ANKRD55: variants seen among roughly 807,000 people sequenced by gnomAD.
ANKRD55 encodes ankyrin repeat domain-containing protein 55.
In ANKRD55, 41 loss-of-function variants were observed where a neutral mutation model predicts 60.6. The ratio of observed to expected loss-of-function variants is 0.68; its 90% confidence interval spans 0.53 to 0.88. ANKRD55 has a LOEUF of 0.88. Among genes scored for constraint, ANKRD55 ranks in the 40% least tolerant of loss-of-function variants. The pLI is 0.00. For synonymous variants in ANKRD55, 264 were observed against 290.3 expected, an observed-to-expected ratio of 0.91 and a Z score of 0.92; for missense variants, 732 against 767.6, an observed-to-expected ratio of 0.95 and a Z score of 0.55.
intron 2 of ANKRD55, among the ~76,000 whole-genome samples, chr5:56,189,153 G>C (rs1759036478): frequency 6.6e-6 from 1 of 152,046 alleles, no homozygotes; most frequent in Non-Finnish European, 1.5e-5. Flanking sequence ...CAGGGGTCAT[G>C]ATAGTAGCCT....
At chr5:56,162,079 T>A in intron 5 of ANKRD55, 5 of 983,004 alleles carry the variant, frequency 5.1e-6, no homozygotes, top group Non-Finnish European at 6.0e-6. Context: ...TCTGAGGGAC[T>A]GGGGGAGGAG....
chr5:56,137,763 T>C (rs975785789), intron 7 of ANKRD55, among the ~76,000 whole-genome samples: 2 of 152,116 alleles, frequency 1.3e-5, no homozygotes, highest in Non-Finnish European at 2.9e-5. Context: ...GAAGAAAATA[T>C]TTGTAAAAGA....
At chr5:56,150,258 G>T (rs921775882) in intron 6 of ANKRD55, among the ~76,000 whole-genome samples, 5 of 152,138 alleles carry the variant, frequency 3.3e-5, no homozygotes, top group African/African-American at 1.2e-4. Flanking sequence ...TATAGGTACA[G>T]TGCTATTACA....
intron 2 of ANKRD55, among the ~76,000 whole-genome samples, chr5:56,202,091 T>A (rs945308376): frequency 3.9e-5 from 6 of 152,098 alleles, no homozygotes; most frequent in Non-Finnish European, 4.4e-5. Flanking sequence ...GGGAACTGAA[T>A]GATGAGAACA....
chr5:56,197,669 A>AT (rs1461902100), intron 2 of ANKRD55, among the ~76,000 whole-genome samples: 1 of 152,146 alleles, frequency 6.6e-6, no homozygotes, highest in Non-Finnish European at 1.5e-5. Context: ...GTATGCTTAT[A>AT]TTTTCTAGTG....
chr5:56,232,075 A>G (rs574989542), intron 2 of ANKRD55, among the ~76,000 whole-genome samples: 8 of 152,376 alleles, frequency 5.3e-5, no homozygotes, highest in African/African-American at 1.9e-4. Context: ...TATTATGTTT[A>G]TAAAATGGAA....
rs140626946 is a variant in ANKRD55, at chr5:56,187,568, G to A, written c.59-3934C>T. 6.8e-3 allele frequency among the ~76,000 whole-genome samples: 1,032 copies of A among 152,092 alleles called. 10 individuals are homozygous for A. Among genetic ancestry groups the A allele is most frequent in the African/African-American group, 0.023 (972 of 41,490 alleles). ...TCCACCACTGCTGTTTGCTGCTGTC[G>A]CAGACCCGCCGCTGACTTCTATCCC... On this transcript the variant is annotated intron_variant, in intron 2 of 11. Transcript: ENST00000341048.
chr5:56,178,277 C>A (rs528503299), intron 3 of ANKRD55, among the ~76,000 whole-genome samples: 1 of 151,344 alleles, frequency 6.6e-6, no homozygotes, highest in African/African-American at 2.4e-5. Flanking sequence ...GCAGCCTTGA[C>A]CTTCTAGGCT....
chr5:56,231,653 GCACACACACACACACA>G (rs34225686), intron 2 of ANKRD55, among the ~76,000 whole-genome samples: 3,967 of 148,070 alleles, frequency 0.027, 196 homozygotes, highest in African/African-American at 0.094. Context: ...CTGAAGGCGC[GCACACACACACACACA>G]CACACACACA....
intron 2 of ANKRD55, among the ~76,000 whole-genome samples, chr5:56,190,854 G>T (rs1759078395): frequency 6.6e-6 from 1 of 152,210 alleles, no homozygotes; most frequent in African/African-American, 2.4e-5. Flanking sequence ...CAATTCATCA[G>T]AGCAGAGCCC....
At chr5:56,105,772 G>T (rs983307970) in intron 10 of ANKRD55, among the ~76,000 whole-genome samples, 12 of 152,258 alleles carry the variant, frequency 7.9e-5, no homozygotes, top group African/African-American at 2.9e-4. Flanking sequence ...TTAGACAGAA[G>T]GATCACAGGA....
chr5:56,190,003 T>A (rs990935901), intron 2 of ANKRD55, among the ~76,000 whole-genome samples: 3 of 152,086 alleles, frequency 2.0e-5, no homozygotes, highest in Admixed American at 6.6e-5. Context: ...GTTTGGGTTT[T>A]AAAAAAAATA....
chr5:56,099,761 T>A lies in ANKRD55; in HGVS notation c.*422A>T, dbSNP rs975627115. The stretch of plus-strand genomic sequence containing the variant: ...GACAATAAATGTGAAGACATGTTTG[T>A]CTGGGATGTGGTTTTTTTTTTGTTT... On this transcript the variant is annotated 3_prime_UTR_variant, in exon 12 of 12. Coordinates refer to ENST00000341048, the MANE Select transcript of ANKRD55 (RefSeq NM_024669.3). 6.3e-6 allele frequency: 1 copy of A among 158,422 alleles called. No individual in the cohort carries two copies. Among genetic ancestry groups the A allele is most frequent in the African/African-American group, 2.4e-5 (1 of 41,454 alleles). The allele number at this position is 158,422 out of a possible 1,614,324, so 9.8% of individuals were successfully genotyped here. A position where few individuals can be genotyped will look rare whatever the true frequency, so the allele number is the denominator to read the frequency against.
chr5:56,116,771 T>G lies in ANKRD55; in HGVS notation c.809A>C (p.His270Pro), dbSNP rs770887837. 1 of 1,609,936 alleles carries G rather than the reference T, an allele frequency of 6.2e-7. No homozygotes were observed. The highest frequency in any genetic ancestry group is 8.5e-7 in the Non-Finnish European group (1 of 1,178,306). Reference protein sequence around the residue: ...ALDVDDRTPLHWAAAAGKAEC... With the variant: ...ALDVDDRTPLPWAAAAGKAEC... ...GGCCTTCCCTGCAGCTGCAGCCCAG[T>G]GCAGAGGTGTCCTGGAGGGGCCATG... The change falls in exon 9 of 12, where the codon CAC becomes CCC. Residue 270 changes from histidine (H) to proline (P), a missense_variant. By Grantham distance (77) the His-to-Pro change is moderately conservative. Around this residue, in one of 3 missense-constraint regions of ANKRD55, gnomAD observed 597 missense variants for 607.5 expected, o/e 0.98. Coordinates refer to ENST00000341048, the MANE Select transcript of ANKRD55 (RefSeq NM_024669.3).
intron 2 of ANKRD55, among the ~76,000 whole-genome samples, chr5:56,208,883 C>A (rs1481125494): frequency 6.6e-6 from 1 of 151,976 alleles, no homozygotes; most frequent in Non-Finnish European, 1.5e-5. Context: ...ATGGAACCAC[C>A]ATCATATTTG....
At chr5:56,172,923 A>G (rs1409863281) in intron 4 of ANKRD55, among the ~76,000 whole-genome samples, 36 of 152,186 alleles carry the variant, frequency 2.4e-4, no homozygotes, top group Non-Finnish European at 1.5e-5. Flanking sequence ...CCAAAATGCA[A>G]TTAGCTGTGA....
chr5:56,219,119 A>G (rs1228263021), intron 2 of ANKRD55, among the ~76,000 whole-genome samples: 2 of 151,906 alleles, frequency 1.3e-5, no homozygotes, highest in African/African-American at 4.8e-5. Context: ...CTAAAAATAC[A>G]AAAATTAGCC....
intron 7 of ANKRD55, chr5:56,137,107 C>A: frequency 8.7e-7 from 1 of 1,146,170 alleles, no homozygotes. Flanking sequence ...ATATGAAAAG[C>A]CACAAAGTAT....
At chr5:56,123,064 C>T (rs1335082606) in intron 8 of ANKRD55, among the ~76,000 whole-genome samples, 1 of 152,090 alleles carries the variant, frequency 6.6e-6, no homozygotes, top group African/African-American at 2.4e-5. Flanking sequence ...GGCCCACATT[C>T]CTATGAATGG....
Sources: allele counts gnomAD v4.1 joint callset (sites outside exome capture counted in the v4.1 genomes callset), GRCh38; gene constraint gnomAD v4.1.1; regional missense constraint gnomAD v4.1.1; transcripts MANE v1.5; gene names NCBI Gene and HGNC (gene_info 2026-07-23, HGNC 2026-07-21).